FRMD6: variants seen among roughly 807,000 people sequenced by gnomAD.
FRMD6 encodes the protein FERM domain-containing protein 6.
FRMD6 carries 37 observed loss-of-function variants against 73.2 expected under a neutral mutation model. The ratio of observed to expected loss-of-function variants is 0.51; its 90% CI spans 0.39 to 0.66. FRMD6 has a LOEUF of 0.66. Among genes scored for constraint, FRMD6 ranks in the 30% least tolerant of loss-of-function variants. The pLI is 0.00. For synonymous variants in FRMD6, 273 were observed against 282.2 expected, an observed-to-expected ratio of 0.97 and a Z score of 0.33; for missense variants, 714 against 780.5, an observed-to-expected ratio of 0.91 and a Z score of 1.02.
At chr14:51,420,916 G>A in the FRMD6 span, among the ~76,000 whole-genome samples, 1 of 152,096 alleles carries the variant, frequency 6.6e-6, no homozygotes, top group Non-Finnish European at 1.5e-5. Context: ...TGGGACTACA[G>A]GTGTGCCCCA....
chr14:51,641,181 A>G (rs987491452), intron 2 of FRMD6, among the ~76,000 whole-genome samples: 1 of 152,036 alleles, frequency 6.6e-6, no homozygotes, highest in African/African-American at 2.4e-5. Flanking sequence ...GGGTTTCCCT[A>G]TGTTGGCCAG....
In FRMD6 at chr14:51,727,603, A is replaced by G. The variant is rs10131086; in HGVS notation, c.1585-142A>G. 8.6e-4 allele frequency: 605 copies of G among 704,264 alleles called. 3 individuals carry two copies. In the African/African-American group the frequency reaches 0.01, roughly 12 times the overall value. The allele number at this position is 704,264 out of a possible 1,614,324, so 43.6% of individuals were successfully genotyped here. On this transcript the variant is annotated intron_variant, in intron 13 of 13. Coordinates refer to ENST00000344768, the MANE Select transcript of FRMD6 (RefSeq NM_001267046.2). ...GTGTTGATGATATATTTCCCCATACAGCCCAGAAACCACAGATTGGAAACC... is the reference window on the plus strand; with the variant it reads ...GTGTTGATGATATATTTCCCCATACGGCCCAGAAACCACAGATTGGAAACC...
At chr14:51,505,489 A>G (rs1451794708) in intron 1 of FRMD6, among the ~76,000 whole-genome samples, 1 of 152,142 alleles carries the variant, frequency 6.6e-6, no homozygotes, top group Non-Finnish European at 1.5e-5. Context: ...CTAGAATAAC[A>G]GGGTATCATG....
At chr14:51,527,042 T>C (rs1174572358) in intron 1 of FRMD6, among the ~76,000 whole-genome samples, 1 of 152,260 alleles carries the variant, frequency 6.6e-6, no homozygotes, top group East Asian at 1.9e-4. Context: ...CAATCAAATG[T>C]AACCCCTGCC....
chr14:51,459,884 C>CTTTTTTTTTGTTTTTT, the FRMD6 span, among the ~76,000 whole-genome samples: 1 of 74,650 alleles, frequency 1.3e-5, no homozygotes, highest in Admixed American at 2.0e-4. Context: ...TACTGACTCT[C>CTTTTTTTTTGTTTTTT]TTTTTTTTTT....
At chr14:51,416,459 G>A in the FRMD6 span, among the ~76,000 whole-genome samples, 13 of 152,276 alleles carry the variant, frequency 8.5e-5, no homozygotes, top group Admixed American at 2.6e-4. Flanking sequence ...GTAGTTGTGC[G>A]GTTTTGAGTG....
At chr14:51,610,197 G>T (rs1234419149) in intron 2 of FRMD6, among the ~76,000 whole-genome samples, 1 of 152,070 alleles carries the variant, frequency 6.6e-6, no homozygotes, top group Non-Finnish European at 1.5e-5. Context: ...GGACCCGGGG[G>T]TGGGGGAGTC....
chr14:51,422,982 T>A, the FRMD6 span, among the ~76,000 whole-genome samples: 1 of 152,236 alleles, frequency 6.6e-6, no homozygotes, highest in African/African-American at 2.4e-5. Flanking sequence ...AGAGCCAGTA[T>A]GCTATTCGCA....
intron 1 of FRMD6, among the ~76,000 whole-genome samples, chr14:51,566,524 T>C (rs1887783671): frequency 1.3e-5 from 2 of 152,230 alleles, no homozygotes; most frequent in Non-Finnish European, 2.9e-5. Flanking sequence ...CACTTTCCAA[T>C]CTGAATTTTC....
intron 12 of FRMD6, chr14:51,724,223 AC>A (rs1213726690): frequency 6.6e-6 from 1 of 151,934 alleles, no homozygotes; most frequent in Non-Finnish European, 1.5e-5. Flanking sequence ...AAAAAAAAAA[AC>A]ACTCAGCTAA....
chr14:51,633,717 AAAT>A, intron 2 of FRMD6, among the ~76,000 whole-genome samples: 1 of 152,200 alleles, frequency 6.6e-6, no homozygotes, highest in Non-Finnish European at 1.5e-5. Context: ...AAAAGAATAC[AAAT>A]AATAACTCTA....
chr14:51,484,365 A>T (rs1421382425), upstream of FRMD6, among the ~76,000 whole-genome samples: 1 of 152,184 alleles, frequency 6.6e-6, no homozygotes, highest in East Asian at 1.9e-4. Context: ...CTGCAATATA[A>T]CCATCAAGAA....
chr14:51,446,510 A>G, the FRMD6 span, among the ~76,000 whole-genome samples: 2 of 138,606 alleles, frequency 1.4e-5, no homozygotes, highest in Admixed American at 1.5e-4. Flanking sequence ...TGGATTTCAT[A>G]GTTTTCTAAG....
chr14:51,490,949 A>G (rs1882969670), intron 1 of FRMD6, among the ~76,000 whole-genome samples: 1 of 152,164 alleles, frequency 6.6e-6, no homozygotes, highest in Non-Finnish European at 1.5e-5. Context: ...GTGATCCCTG[A>G]GTTCCCTGGG....
the FRMD6 span, among the ~76,000 whole-genome samples, chr14:51,405,243 G>A: frequency 3.9e-5 from 6 of 152,200 alleles, no homozygotes; most frequent in South Asian, 2.1e-4. Context: ...ACACTTGTGC[G>A]CATGTGTCTT....
rs1897648289 is a variant in FRMD6 at position 51,722,025 on chromosome 14, G to A, written c.1437G>A (p.Met479Ile). The change falls in exon 12 of 14, where the codon ATG becomes ATA. Residue 479 changes from methionine to isoleucine, a missense_variant. Physicochemically the swap from Met to Ile is conservative, Grantham distance 10. Transcript: ENST00000344768. ...AGTCTCTGGAAGTCAGCCCAGACAT[G>A]TGCATCTACATCACAGAGGACATGC... Reference protein sequence around the residue: ...NEESLEVSPDMCIYITEDMLM... With the variant: ...NEESLEVSPDICIYITEDMLM... 1 of 1,614,036 alleles carries A rather than the reference G, an allele frequency of 6.2e-7. No individual in the cohort carries two copies. Among genetic ancestry groups the A allele is most frequent in the African/African-American group, 1.3e-5 (1 of 74,916 alleles).
chr14:51,648,077 C>T (rs892583926), upstream of FRMD6, among the ~76,000 whole-genome samples: 5 of 152,110 alleles, frequency 3.3e-5, no homozygotes, highest in Admixed American at 1.3e-4. Flanking sequence ...TGCCCACCTC[C>T]GTCTCCCAAA....
chr14:51,507,733 T>G (rs1222177482), intron 1 of FRMD6, among the ~76,000 whole-genome samples: 1 of 151,566 alleles, frequency 6.6e-6, no homozygotes, highest in East Asian at 2.0e-4. Flanking sequence ...GAGTGAGTGT[T>G]TGTTGAAAAC....
intron 1 of FRMD6, among the ~76,000 whole-genome samples, chr14:51,687,544 G>GAT (rs1895252954): frequency 6.6e-6 from 1 of 151,982 alleles, no homozygotes; most frequent in Admixed American, 6.6e-5. Flanking sequence ...GACCTTAATA[G>GAT]ATATGCCTTG....
Sources: gnomAD v4.1 joint callset for allele counts (sites outside exome capture counted in the v4.1 genomes callset) on GRCh38, gnomAD v4.1.1 for gene constraint, MANE v1.5 for transcripts, NCBI Gene and HGNC (gene_info 2026-07-23, HGNC 2026-07-21) for gene names.